Variants in MAST4 observed in about 807,000 individuals in gnomAD.
MAST4 encodes the protein microtubule associated serine/threonine kinase family member 4.
In MAST4, 89 loss-of-function variants were observed where a neutral mutation model predicts 162.7. The ratio of observed to expected loss-of-function variants is 0.55; its 90% CI spans 0.46 to 0.65. The LOEUF (loss-of-function observed/expected upper bound fraction) is 0.65, where lower values mean the gene tolerates loss of function less well. Among genes scored for constraint, MAST4 ranks in the 30% least tolerant of loss-of-function variants. MAST4 has a pLI of 0.00. For missense variants in MAST4, 3,153 were observed against 3,374.0 expected, an observed-to-expected ratio of 0.93 and a Z score of 1.62; for synonymous variants, 1,479 against 1,361.1, an observed-to-expected ratio of 1.09 and a Z score of -1.91.
Position 67,169,139 on chromosome 5 carries a change from A to G in MAST4, c.*2088A>G, listed in dbSNP as rs1159354256. ...ATCGGGACAAGTCTGTCGGGGAGGT[A>G]GTTCATGGTTTACAAGCCTTTGCTT... On this transcript the variant is annotated 3_prime_UTR_variant, in exon 29 of 29. Coordinates refer to ENST00000403625, the MANE Select transcript of MAST4 (RefSeq NM_001164664.2). 1 of 152,232 alleles carries G rather than the reference A, an allele frequency of 6.6e-6. No homozygotes were observed. The highest frequency in any genetic ancestry group is 1.5e-5 in the Non-Finnish European group (1 of 68,034). 9.4% of individuals were successfully genotyped at this position (152,232 alleles called of 1,614,324 possible).
At chr5:66,813,891 T>TA (rs1483205366) in intron 3 of MAST4, among the ~76,000 whole-genome samples, 1 of 152,228 alleles carries the variant, frequency 6.6e-6, no homozygotes, top group Non-Finnish European at 1.5e-5. Context: ...GCTGCACTCT[T>TA]ACATTGCTTT....
At chr5:66,659,351 T>G (rs1307815837) in intron 1 of MAST4, among the ~76,000 whole-genome samples, 1 of 152,244 alleles carries the variant, frequency 6.6e-6, no homozygotes, top group Non-Finnish European at 1.5e-5. Context: ...GTGGTTCATC[T>G]GATTTCGAAT....
intron 3 of MAST4, among the ~76,000 whole-genome samples, chr5:66,871,273 G>A (rs1340604081): frequency 6.6e-6 from 1 of 151,972 alleles, no homozygotes; most frequent in Non-Finnish European, 1.5e-5. Context: ...CATAGGAAGT[G>A]TATCAGTTTT....
At chr5:66,873,288 T>A (rs1423406219) in intron 3 of MAST4, among the ~76,000 whole-genome samples, 1 of 152,226 alleles carries the variant, frequency 6.6e-6, no homozygotes. Context: ...GCTGTGTGGA[T>A]ACATTACTTG....
At chr5:67,120,960 A>G in intron 13 of MAST4, 57 bp from the exon 14 acceptor site, 1 of 1,226,164 alleles carries the variant, frequency 8.2e-7, no homozygotes, top group Non-Finnish European at 1.2e-6. Flanking sequence ...TATTTTGCTG[A>G]TAAAATAATT....
intron 1 of MAST4, among the ~76,000 whole-genome samples, chr5:66,616,206 G>C (rs4546325): frequency 0.63 from 95,971 of 152,056 alleles, 31,174 homozygotes; most frequent in African/African-American, 0.77. Flanking sequence ...AAAGAGGTCC[G>C]TCACTTTATT....
chr5:66,795,103 C>G (rs1755587367), intron 3 of MAST4, among the ~76,000 whole-genome samples: 1 of 152,112 alleles, frequency 6.6e-6, no homozygotes, highest in Non-Finnish European at 1.5e-5. Flanking sequence ...AACCAAAAAC[C>G]TGATCCGAAG....
intron 4 of MAST4, among the ~76,000 whole-genome samples, chr5:67,020,065 A>C (rs191252255): frequency 6.6e-6 from 1 of 152,296 alleles, no homozygotes; most frequent in East Asian, 1.9e-4. Context: ...GTATGCTCTT[A>C]TTTATGCCTG....
chr5:66,701,341 C>T (rs1749764070), intron 1 of MAST4, among the ~76,000 whole-genome samples: 1 of 152,130 alleles, frequency 6.6e-6, no homozygotes, highest in African/African-American at 2.4e-5. Context: ...TTATAGTACC[C>T]CACTGTGTTT....
At chr5:66,608,355 C>CTTTTTTTTTTTT (rs72272071) in intron 1 of MAST4, among the ~76,000 whole-genome samples, 2 of 44,416 alleles carry the variant, frequency 4.5e-5, no homozygotes, top group East Asian at 8.1e-4. Context: ...TGTGCCTGGC[C>CTTTTTTTTTTTT]TTTTTTTTTT....
At position 66,804,257 on chromosome 5, in the gene MAST4, C is replaced by A. The variant is rs1278063497; in HGVS notation, c.642+15463C>A. The stretch of plus-strand genomic sequence containing the variant: ...ACGAAGTAGGAATGTATATCAGCAA[C>A]TATTAGTATAATAGGGCTGCATAAT... On this transcript the variant is annotated intron_variant, in intron 3 of 28. Coordinates refer to ENST00000403625, the MANE Select transcript of MAST4 (RefSeq NM_001164664.2). Among the ~76,000 whole-genome samples, 5 of 150,342 alleles carry A rather than the reference C, an allele frequency of 3.3e-5. No individual in the cohort carries two copies. The East Asian group carries it at 9.6e-4, about 29-fold the overall frequency.
chr5:66,993,930 C>CA (rs1438973213), intron 4 of MAST4, among the ~76,000 whole-genome samples: 2 of 80,396 alleles, frequency 2.5e-5, no homozygotes, highest in African/African-American at 4.4e-5. Flanking sequence ...ACCCCCCCCC[C>CA]CACCCCACCA....
intron 1 of MAST4, among the ~76,000 whole-genome samples, chr5:66,629,273 T>C (rs961543458): frequency 7.2e-5 from 11 of 152,206 alleles, no homozygotes; most frequent in African/African-American, 2.7e-4. Flanking sequence ...GAAGAAGGCT[T>C]GTTGCAAATT....
At chr5:66,802,592 T>G (rs1411958722) in intron 3 of MAST4, among the ~76,000 whole-genome samples, 1 of 152,224 alleles carries the variant, frequency 6.6e-6, no homozygotes, top group Non-Finnish European at 1.5e-5. Flanking sequence ...AGTTTTGGTC[T>G]CTGTAGGTCT....
rs148115311 is a variant in MAST4 at position 67,088,116 on chromosome 5, T to G, written c.764-2046T>G. Among the ~76,000 whole-genome samples the G allele has an allele frequency of 9.2e-3, 1,394 of 152,344 alleles. 21 individuals carry two copies. The highest frequency in any genetic ancestry group is 0.03 in the African/African-American group (1,255 of 41,582). ...CATGGGGACCATTCACTAATATCCC[T>G]AAAAGTGAAAAGGGTTTTAAGTCAA... On this transcript the variant is annotated intron_variant, in intron 5 of 28. Coordinates refer to ENST00000403625, the MANE Select transcript of MAST4 (RefSeq NM_001164664.2).
intron 6 of MAST4, 80 bp downstream of exon 6, chr5:67,090,311 C>CTCCCCACTTCTTCCCG (rs1451335157): frequency 3.3e-6 from 3 of 901,470 alleles, no homozygotes; most frequent in African/African-American, 1.8e-5. Context: ...ACTTCTCCCC[C>CTCCCCACTTCTTCCCG]TCCCCACTTC....
intron 3 of MAST4, among the ~76,000 whole-genome samples, chr5:66,879,662 A>C (rs2149900689): frequency 2.0e-5 from 3 of 152,286 alleles, no homozygotes; most frequent in Admixed American, 2.0e-4. Flanking sequence ...ACAGGCACAC[A>C]TCACCACGCC....
At chr5:66,926,687 CATT>C (rs1333700319) in intron 4 of MAST4, among the ~76,000 whole-genome samples, 1 of 149,752 alleles carries the variant, frequency 6.7e-6, no homozygotes, top group Non-Finnish European at 1.5e-5. Flanking sequence ...TATATATTTC[CATT>C]ATTGTTCCTA....
intron 3 of MAST4, among the ~76,000 whole-genome samples, chr5:66,817,963 T>A (rs1004945842): frequency 1.3e-5 from 2 of 152,176 alleles, no homozygotes; most frequent in Non-Finnish European, 2.9e-5. Context: ...TCCAGAAGGA[T>A]CAAACTTCTT....
Sources: gnomAD v4.1 joint callset for allele counts (sites outside exome capture counted in the v4.1 genomes callset) on GRCh38, gnomAD v4.1.1 for gene constraint, MANE v1.5 for transcripts, NCBI Gene and HGNC (gene_info 2026-07-23, HGNC 2026-07-21) for gene names.